Variants in KLF12 observed in about 807,000 individuals in gnomAD.
The protein encoded by KLF12 is KLF transcription factor 12, also known as Krueppel-like factor 12.
A neutral mutation model predicts 37.8 loss-of-function variants in KLF12; 9 were observed. The observed-to-expected ratio is 0.24, with a 90% CI of 0.14 to 0.42. The LOEUF (loss-of-function observed/expected upper bound fraction) is 0.42, where lower values mean the gene tolerates loss of function less well. Ranked by LOEUF, KLF12 falls within the 10% of genes least tolerant of loss-of-function variation. The pLI is 1.00. For missense variants in KLF12, 411 were observed against 516.0 expected, an observed-to-expected ratio of 0.80 and a Z score of 1.97; for synonymous variants, 208 against 202.1, an observed-to-expected ratio of 1.03 and a Z score of -0.25.
At chr13:73,784,782 C>T (rs1465689730) in intron 5 of KLF12, among the ~76,000 whole-genome samples, 1 of 152,004 alleles carries the variant, frequency 6.6e-6, no homozygotes, top group African/African-American at 2.4e-5. Flanking sequence ...AGACACCCCC[C>T]ACCATGCCCG....
intron 1 of KLF12, among the ~76,000 whole-genome samples, chr13:73,997,113 A>G (rs1285858503): frequency 1.3e-5 from 2 of 152,150 alleles, no homozygotes; most frequent in Non-Finnish European, 2.9e-5. Context: ...TTTCCATCCA[A>G]TTCAGGCTCC....
Position 73,997,531 on chromosome 13 carries a change from T to A in KLF12, c.-31-2478A>T, listed in dbSNP as rs1892156324. ...ACAGATACATCTCTAATTTTATTCA[T>A]GCTAAGGGGCCTTTAGTTTTTCCCC... On this transcript the variant is annotated intron_variant, in intron 1 of 7. Transcript: ENST00000377669. Among the ~76,000 whole-genome samples, 3 of 152,346 alleles carry A rather than the reference T, an allele frequency of 2.0e-5. No homozygotes were observed. The South Asian group carries it at 6.2e-4, about 32-fold the overall frequency.
chr13:73,755,660 T>C lies in KLF12; in HGVS notation c.869+9278A>G, dbSNP rs534169965. Among the ~76,000 whole-genome samples the C allele has an allele frequency of 2.0e-5, 3 of 152,136 alleles. No homozygotes were observed. The East Asian group carries it at 5.8e-4, about 29-fold the overall frequency. On this transcript the variant is annotated intron_variant, in intron 6 of 7. Coordinates refer to ENST00000377669, the MANE Select transcript of KLF12 (RefSeq NM_007249.5). Reference sequence around the variant, plus strand: ...CAATGGGTTTTTGGAGAACAGGTAGTGTTTGGCTACATAAATAAGTTATTT... The same window carrying C: ...CAATGGGTTTTTGGAGAACAGGTAGCGTTTGGCTACATAAATAAGTTATTT...
intron 5 of KLF12, among the ~76,000 whole-genome samples, chr13:73,777,854 G>T (rs530090523): frequency 6.6e-5 from 10 of 152,130 alleles, no homozygotes; most frequent in African/African-American, 2.4e-4. Context: ...ACAGAAGCCT[G>T]GGCACGGTGG....
chr13:74,217,699 C>G, the KLF12 span, among the ~76,000 whole-genome samples: 3 of 152,154 alleles, frequency 2.0e-5, no homozygotes, highest in Admixed American at 2.0e-4. Flanking sequence ...CGCACTCCAG[C>G]CTGGGCGACA....
At chr13:74,035,155 G>A (rs1231932494) in intron 1 of KLF12, among the ~76,000 whole-genome samples, 2 of 152,154 alleles carry the variant, frequency 1.3e-5, no homozygotes, top group African/African-American at 2.4e-5. Context: ...ATCCAAAGAT[G>A]CTTGAGCCCA....
rs945765864 is a variant in KLF12, at chr13:74,090,370, C to T, written c.-32+43369G>A. 3.9e-5 allele frequency among the ~76,000 whole-genome samples: 6 copies of T among 152,076 alleles called. No homozygotes were observed. In the South Asian group the frequency reaches 1.2e-3, roughly 32 times the overall value. On this transcript the variant is annotated intron_variant, in intron 1 of 7. Coordinates refer to ENST00000377669, the MANE Select transcript of KLF12 (RefSeq NM_007249.5). ...AAAATGTCACACATATCCTCTGCCTCCACACATGCATAACCTCTTTCATTA... is the reference window on the plus strand; with the variant it reads ...AAAATGTCACACATATCCTCTGCCTTCACACATGCATAACCTCTTTCATTA...
intron 5 of KLF12, among the ~76,000 whole-genome samples, chr13:73,811,927 T>C (rs1408432762): frequency 6.6e-6 from 1 of 152,206 alleles, no homozygotes; most frequent in Non-Finnish European, 1.5e-5. Flanking sequence ...AAGGCTCTCT[T>C]TTCTTTGTTT....
At chr13:73,720,626 T>C (rs1417537028) in intron 6 of KLF12, among the ~76,000 whole-genome samples, 1 of 152,166 alleles carries the variant, frequency 6.6e-6, no homozygotes, top group Non-Finnish European at 1.5e-5. Flanking sequence ...TAATTAGATC[T>C]AGAGAGAACA....
At chr13:73,762,171 T>C (rs1423586771) in intron 6 of KLF12, among the ~76,000 whole-genome samples, 1 of 152,206 alleles carries the variant, frequency 6.6e-6, no homozygotes. Context: ...CACTCCAACA[T>C]ATGTCGTTGG....
chr13:74,238,001 C>T, the KLF12 span, among the ~76,000 whole-genome samples: 5 of 149,954 alleles, frequency 3.3e-5, no homozygotes, highest in African/African-American at 5.1e-5. Flanking sequence ...TGAGAGAGGG[C>T]ATCCCTGCCT....
the KLF12 span, among the ~76,000 whole-genome samples, chr13:74,235,081 G>T: frequency 6.6e-6 from 1 of 152,146 alleles, no homozygotes; most frequent in Non-Finnish European, 1.5e-5. Context: ...GGTTTTTGAT[G>T]AGACAGTTTC....
At chr13:73,974,310 C>CAAAAAAAAAAAAAAAA (rs61516158) in intron 2 of KLF12, among the ~76,000 whole-genome samples, 4 of 146,276 alleles carry the variant, frequency 2.7e-5, no homozygotes, top group African/African-American at 1.0e-4. Flanking sequence ...AACTTCAAGA[C>CAAAAAAAAAAAAAAAA]AAAAAAAAAA....
the KLF12 span, among the ~76,000 whole-genome samples, chr13:74,221,448 G>A: frequency 6.6e-6 from 1 of 151,070 alleles, no homozygotes; most frequent in Non-Finnish European, 1.5e-5. Flanking sequence ...TGGAATTTCT[G>A]TAGCCCATAT....
chr13:74,053,849 TC>T, intron 1 of KLF12, among the ~76,000 whole-genome samples: 1 of 151,548 alleles, frequency 6.6e-6, no homozygotes, highest in East Asian at 2.0e-4. Flanking sequence ...TTGTGGCATG[TC>T]TGCATTTTAG....
At chr13:74,184,582 C>T in the KLF12 span, among the ~76,000 whole-genome samples, 1 of 152,192 alleles carries the variant, frequency 6.6e-6, no homozygotes, top group Non-Finnish European at 1.5e-5. Context: ...AGAATTTTCT[C>T]CAGCAAATAT....
chr13:73,743,638 A>G (rs1197552358), intron 6 of KLF12, among the ~76,000 whole-genome samples: 2 of 152,208 alleles, frequency 1.3e-5, no homozygotes, highest in African/African-American at 4.8e-5. Context: ...AAACCTCTGA[A>G]AAGATATAGC....
At chr13:73,937,665 G>A (rs9318229) in intron 3 of KLF12, among the ~76,000 whole-genome samples, 53,590 of 152,074 alleles carry the variant, frequency 0.35, 10,454 homozygotes, top group East Asian at 0.6. Context: ...GGGAAGAAGG[G>A]CAGAATTCTC....
At chr13:74,282,466 C>A in the KLF12 span, among the ~76,000 whole-genome samples, 352 of 152,150 alleles carry the variant, frequency 2.3e-3, 3 homozygotes, top group African/African-American at 7.9e-3. Context: ...GTGGATTCAC[C>A]CTGCAGGGGT....
Sources: allele counts gnomAD v4.1 joint callset (sites outside exome capture counted in the v4.1 genomes callset), GRCh38; gene constraint gnomAD v4.1.1; transcripts MANE v1.5; gene names NCBI Gene and HGNC (gene_info 2026-07-23, HGNC 2026-07-21).